The following TULP4 variants were observed in gnomAD, a reference collection of about 807,000 sequenced individuals.
TULP4 encodes TUB like protein 4, also known as tubby-related protein 4.
TULP4 carries 16 observed loss-of-function variants against 129.0 expected under a neutral mutation model. The observed-to-expected ratio is 0.12, with a 90% CI of 0.08 to 0.19. TULP4 has a LOEUF of 0.19. Among genes scored for constraint, TULP4 ranks in the 10% least tolerant of loss-of-function variants. The pLI, the probability that TULP4 is intolerant of heterozygous loss-of-function variation, is 1.00. For synonymous variants in TULP4, 998 were observed against 854.0 expected, an observed-to-expected ratio of 1.17 and a Z score of -2.94; for missense variants, 1,842 against 2,059.1, an observed-to-expected ratio of 0.89 and a Z score of 2.04.
intron 2 of TULP4, among the ~76,000 whole-genome samples, chr6:158,423,023 T>C (rs943217228): frequency 6.7e-6 from 1 of 148,626 alleles, no homozygotes; most frequent in Non-Finnish European, 1.5e-5. Flanking sequence ...ACGCCTGTAA[T>C]CCAAGCTCTC....
chr6:158,475,113 G>T (rs916628262), intron 6 of TULP4, among the ~76,000 whole-genome samples: 4 of 152,386 alleles, frequency 2.6e-5, no homozygotes, highest in Admixed American at 2.0e-4. Context: ...AGGAGAGGTG[G>T]CAGAGTAAGG....
At chr6:158,498,910 A>G in intron 12 of TULP4, 98 bp downstream of exon 12, 1 of 1,480,298 alleles carries the variant, frequency 6.8e-7, no homozygotes. Flanking sequence ...TCAGTCTGCT[A>G]CCTGGGTTTG....
intron 3 of TULP4, among the ~76,000 whole-genome samples, chr6:158,444,276 C>T (rs1435748748): frequency 7.3e-6 from 1 of 136,702 alleles, no homozygotes; most frequent in East Asian, 2.2e-4. Flanking sequence ...TAACTTTTGC[C>T]GCATCTCAGA....
Position 158,413,050 on chromosome 6 carries a change from T to C in TULP4, c.253-15T>C, listed in dbSNP as rs771047676. On this transcript the variant is annotated splice_polypyrimidine_tract_variant and intron_variant, in intron 1 of 13. Coordinates refer to ENST00000367097, the MANE Select transcript of TULP4 (RefSeq NM_020245.5). This position sits in a 1 kb window ranked among gnomAD's most constrained non-coding sequence, Gnocchi z 4.9. The stretch of plus-strand genomic sequence containing the variant: ...TTTATTTCCTGTGGTAAATGTCTTC[T>C]TGGTGGTTTTCTAGGTTGTGCTGGT... The C allele has an allele frequency of 1.2e-6, 2 of 1,602,118 alleles. No homozygotes were observed. Among genetic ancestry groups the C allele is most frequent in the South Asian group, 2.2e-5 (2 of 90,428 alleles).
At chr6:158,238,450 G>C (rs1485044455) in intron 1 of TULP4, 2 of 411,774 alleles carry the variant, frequency 4.9e-6, no homozygotes, top group Admixed American at 4.3e-5. Flanking sequence ...TTTTTTTATT[G>C]ATAATTCTTG....
intron 1 of TULP4, among the ~76,000 whole-genome samples, chr6:158,374,584 ATGTAATTTCAAAAACTCAC>A (rs1485250943): frequency 6.6e-6 from 1 of 152,230 alleles, no homozygotes; most frequent in Non-Finnish European, 1.5e-5. Context: ...CTTTTTTCCC[ATGTAATTTCAAAAACTCAC>A]TGTTTTACTT....
chr6:158,303,251 A>G (rs770322884), intron 1 of TULP4, among the ~76,000 whole-genome samples: 3 of 151,956 alleles, frequency 2.0e-5, no homozygotes, highest in Admixed American at 6.6e-5. Context: ...AGGAATTTCA[A>G]TGTAGGTTCT....
At chr6:158,284,610 T>C (rs1778806923) in intron 1 of TULP4, among the ~76,000 whole-genome samples, 1 of 152,214 alleles carries the variant, frequency 6.6e-6, no homozygotes. Flanking sequence ...TACTGAGTGC[T>C]GTTCTCAGTG....
intron 2 of TULP4, among the ~76,000 whole-genome samples, chr6:158,415,450 C>T (rs1167900510): frequency 4.0e-5 from 6 of 150,328 alleles, no homozygotes; most frequent in African/African-American, 1.5e-4. Flanking sequence ...CCCGGGTTCA[C>T]GCCATTCTCC....
chr6:158,263,299 C>T (rs572488039), intron 1 of TULP4, among the ~76,000 whole-genome samples: 2 of 152,236 alleles, frequency 1.3e-5, no homozygotes, highest in Non-Finnish European at 2.9e-5. Flanking sequence ...GAGACTGTCT[C>T]CTAAGAACTA....
intron 1 of TULP4, among the ~76,000 whole-genome samples, chr6:158,284,717 G>A (rs1778808492): frequency 6.6e-6 from 1 of 152,202 alleles, no homozygotes; most frequent in African/African-American, 2.4e-5. Context: ...GCCCACTTCA[G>A]GGCTCTCAGT....
chr6:158,312,031 CTT>C (rs11418809), upstream of TULP4: 25 of 376,150 alleles, frequency 6.6e-5, no homozygotes, highest in African/African-American at 5.1e-4. Flanking sequence ...AATTTTATAT[CTT>C]TTTTTTTTTT....
upstream of TULP4, among the ~76,000 whole-genome samples, chr6:158,278,931 G>GTTTTTTTTT (rs1389156177): frequency 1.0e-5 from 1 of 96,040 alleles, no homozygotes. Context: ...CATAGTTGTT[G>GTTTTTTTTT]TTTTTTTTTG....
intron 11 of TULP4, among the ~76,000 whole-genome samples, chr6:158,495,611 G>A (rs1780319179): frequency 6.6e-6 from 1 of 152,214 alleles, no homozygotes; most frequent in African/African-American, 2.4e-5. Flanking sequence ...GGGAATACAA[G>A]GTTGGCAGAT....
chr6:158,431,086 G>A (rs1224626488), intron 3 of TULP4, among the ~76,000 whole-genome samples: 1 of 152,050 alleles, frequency 6.6e-6, no homozygotes, highest in African/African-American at 2.4e-5. Context: ...GCTTTCCCCA[G>A]AGGCTTCCAA....
chr6:158,504,001 G>A lies in TULP4; in HGVS notation c.4338G>A (p.Lys1446=), dbSNP rs368133590. Residue 1446 remains lysine, a synonymous_variant, in exon 13 of 14, where the codon AAG becomes AAA. Coordinates refer to ENST00000367097, the MANE Select transcript of TULP4 (RefSeq NM_020245.5). The stretch of plus-strand genomic sequence containing the variant: ...CCGCCGGCGAGCTGGAGGAGGCCAA[G>A]TGCCGGCGGGCCAGTGAGAAGGAGG... The part of the protein sequence containing the change: ...PRAAGELEEA[K]CRRASEKEDG... 1.3e-4 allele frequency: 208 copies of A among 1,612,614 alleles called. No homozygotes were observed. Among genetic ancestry groups the A allele is most frequent in the Non-Finnish European group, 1.7e-4 (201 of 1,179,460 alleles).
intron 5 of TULP4, among the ~76,000 whole-genome samples, chr6:158,455,713 G>A (rs111248371): frequency 0.017 from 2,592 of 150,510 alleles, 84 homozygotes; most frequent in African/African-American, 0.06. Flanking sequence ...CTCTAGCCTG[G>A]GTAACAGAGC....
At position 158,324,382 on chromosome 6, in the gene TULP4, A is replaced by T. The variant is rs974481075; in HGVS notation, c.252+10114A>T. ...GTTGTACTGTTCTGATGTACTGCAG[A>T]GTGCTATAGTAGGTCAGAGGATGAA... On this transcript the variant is annotated intron_variant, in intron 1 of 13. Transcript: ENST00000367097. Among the ~76,000 whole-genome samples, 3 of 152,208 alleles carry T rather than the reference A, an allele frequency of 2.0e-5. No individual in the cohort carries two copies. The South Asian group carries it at 6.2e-4, about 31-fold the overall frequency.
intron 1 of TULP4, among the ~76,000 whole-genome samples, chr6:158,358,185 C>T (rs951610744): frequency 6.6e-6 from 1 of 152,182 alleles, no homozygotes; most frequent in Non-Finnish European, 1.5e-5. Flanking sequence ...CAAAACCATG[C>T]AGGGGTGCAA....
Sources: gnomAD v4.1 joint callset for allele counts (sites outside exome capture counted in the v4.1 genomes callset) on GRCh38, gnomAD v4.1.1 for gene constraint, Gnocchi (gnomAD v3.1) non-coding constraint, MANE v1.5 for transcripts, NCBI Gene and HGNC (gene_info 2026-07-23, HGNC 2026-07-21) for gene names.